The following PDZRN4 variants were observed in gnomAD, a reference collection of about 807,000 sequenced individuals.
PDZRN4 encodes the protein PDZ domain containing ring finger 4, also known as PDZ domain-containing RING finger protein 4.
PDZRN4 carries 70 observed loss-of-function variants against 99.0 expected under a neutral mutation model. The ratio of observed to expected loss-of-function variants is 0.71; its 90% CI spans 0.58 to 0.86. The LOEUF (loss-of-function observed/expected upper bound fraction) is 0.86. Among genes scored for constraint, PDZRN4 ranks in the 40% least tolerant of loss-of-function variants. The probability of loss-of-function intolerance (pLI) is 0.00; values close to 1 mark genes in which losing one functional copy is unlikely to be tolerated. For missense variants in PDZRN4, 1,474 were observed against 1,331.2 expected (o/e 1.11, Z -1.67); for synonymous variants, 551 against 501.6 (o/e 1.10, Z -1.32).
At chr12:41,475,442 A>T (rs949463244) in intron 3 of PDZRN4, among the ~76,000 whole-genome samples, 1 of 152,238 alleles carries the variant, frequency 6.6e-6, no homozygotes, top group African/African-American at 2.4e-5. Flanking sequence ...TAGAATCAAT[A>T]TATGACTATT....
At chr12:41,560,530 A>G (rs74077881) in intron 7 of PDZRN4, among the ~76,000 whole-genome samples, 1 of 152,310 alleles carries the variant, frequency 6.6e-6, no homozygotes, top group African/African-American at 2.4e-5. Flanking sequence ...TATGTTAACA[A>G]AACTTACCTG....
At chr12:41,461,285 G>T (rs541310377) in intron 3 of PDZRN4, among the ~76,000 whole-genome samples, 2 of 152,098 alleles carry the variant, frequency 1.3e-5, no homozygotes, top group East Asian at 1.9e-4. Context: ...CATCATGGGG[G>T]TTTGTCGTAC....
At chr12:41,341,503 T>C (rs1951816623) in intron 3 of PDZRN4, among the ~76,000 whole-genome samples, 1 of 151,802 alleles carries the variant, frequency 6.6e-6, no homozygotes, top group Non-Finnish European at 1.5e-5. Context: ...CCAGTAGTTA[T>C]AAGAAACAAA....
chr12:41,285,691 G>A (rs1951418006), intron 3 of PDZRN4, among the ~76,000 whole-genome samples: 1 of 152,142 alleles, frequency 6.6e-6, no homozygotes, highest in Non-Finnish European at 1.5e-5. Flanking sequence ...ATGAGTTCAT[G>A]TCCTTTGCAG....
intron 3 of PDZRN4, among the ~76,000 whole-genome samples, chr12:41,418,172 C>T (rs1164500251): frequency 6.6e-6 from 1 of 152,130 alleles, no homozygotes; most frequent in Non-Finnish European, 1.5e-5. Flanking sequence ...CATTGACAAA[C>T]AACAAAAGTA....
chr12:41,227,934 A>G (rs1055494773), intron 3 of PDZRN4, among the ~76,000 whole-genome samples: 3 of 150,894 alleles, frequency 2.0e-5, no homozygotes, highest in African/African-American at 7.3e-5. Flanking sequence ...AAGGGTTGAA[A>G]TGGTATATTA....
intron 3 of PDZRN4, among the ~76,000 whole-genome samples, chr12:41,281,476 G>T (rs926076018): frequency 6.6e-6 from 1 of 152,182 alleles, no homozygotes; most frequent in Non-Finnish European, 1.5e-5. Flanking sequence ...TTGATAAAAG[G>T]TTAGAGTAAT....
intron 3 of PDZRN4, among the ~76,000 whole-genome samples, chr12:41,446,324 C>G (rs1952728261): frequency 6.6e-6 from 1 of 151,042 alleles, no homozygotes; most frequent in Non-Finnish European, 1.5e-5. Context: ...GAACTAACCT[C>G]TCACTCCTAG....
intron 3 of PDZRN4, among the ~76,000 whole-genome samples, chr12:41,440,444 T>C (rs144401329): frequency 1.3e-5 from 2 of 152,256 alleles, no homozygotes; most frequent in Non-Finnish European, 2.9e-5. Context: ...ACAGGACACA[T>C]AGAATGCAGT....
intron 3 of PDZRN4, among the ~76,000 whole-genome samples, chr12:41,440,844 T>G (rs192829136): frequency 2.6e-5 from 4 of 152,274 alleles, no homozygotes; most frequent in Admixed American, 2.6e-4. Flanking sequence ...CTCTTATGAA[T>G]TAATAAAGGA....
intron 3 of PDZRN4, among the ~76,000 whole-genome samples, chr12:41,438,522 A>T (rs1261239746): frequency 6.6e-6 from 1 of 152,188 alleles, no homozygotes; most frequent in East Asian, 1.9e-4. Context: ...GTATTACATG[A>T]GGAAAAAATA....
At chr12:41,456,965 A>T (rs1952821372) in intron 3 of PDZRN4, among the ~76,000 whole-genome samples, 1 of 152,166 alleles carries the variant, frequency 6.6e-6, no homozygotes, top group Admixed American at 6.5e-5. Context: ...TTGCAGCCAT[A>T]GTGTGTGGGC....
intron 6 of PDZRN4, among the ~76,000 whole-genome samples, chr12:41,555,110 A>T (rs1262377993): frequency 6.7e-6 from 1 of 149,722 alleles, no homozygotes; most frequent in Non-Finnish European, 1.5e-5. Flanking sequence ...AGGCATCTGT[A>T]GTCACAGCTA....
intron 3 of PDZRN4, among the ~76,000 whole-genome samples, chr12:41,234,963 A>G (rs1420123677): frequency 6.6e-6 from 1 of 152,130 alleles, no homozygotes; most frequent in East Asian, 1.9e-4. Flanking sequence ...TTTTGAAGCC[A>G]GCCAACAGTC....
chr12:41,273,663 C>G (rs1951331095), intron 3 of PDZRN4, among the ~76,000 whole-genome samples: 1 of 151,888 alleles, frequency 6.6e-6, no homozygotes, highest in Non-Finnish European at 1.5e-5. Context: ...TATATTCAGT[C>G]AGAAATTAGC....
intron 3 of PDZRN4, among the ~76,000 whole-genome samples, chr12:41,318,641 T>C (rs953852052): frequency 2.0e-5 from 3 of 152,206 alleles, no homozygotes; most frequent in Non-Finnish European, 4.4e-5. Context: ...TCTGCAGTTG[T>C]ATAATGAAAA....
intron 3 of PDZRN4, among the ~76,000 whole-genome samples, chr12:41,398,413 C>A (rs1952265753): frequency 6.6e-6 from 1 of 151,726 alleles, no homozygotes; most frequent in South Asian, 2.1e-4. Context: ...AAAAGTAGTT[C>A]AAGTTAGAAA....
chr12:41,402,994 C>T (rs1952315180), intron 3 of PDZRN4, among the ~76,000 whole-genome samples: 1 of 151,900 alleles, frequency 6.6e-6, no homozygotes, highest in African/African-American at 2.4e-5. Context: ...TGACTCATCG[C>T]TTAATAATTC....
intron 3 of PDZRN4, among the ~76,000 whole-genome samples, chr12:41,374,273 T>C (rs1385572599): frequency 1.3e-5 from 2 of 152,160 alleles, no homozygotes; most frequent in African/African-American, 2.4e-5. Context: ...GATAAGCCCC[T>C]TCCTGGGAAG....
Sources: allele counts gnomAD v4.1 joint callset (sites outside exome capture counted in the v4.1 genomes callset), GRCh38; gene constraint gnomAD v4.1.1; transcripts MANE v1.5; gene names NCBI Gene and HGNC (gene_info 2026-07-23, HGNC 2026-07-21).